The following ZC3H12B variants were observed in gnomAD, a reference collection of about 807,000 sequenced individuals.
The protein encoded by ZC3H12B is probable ribonuclease ZC3H12B.
A neutral mutation model predicts 43.9 loss-of-function variants in ZC3H12B; 7 were observed. That is an observed-to-expected ratio of 0.16 (90% confidence interval 0.09 to 0.30). The LOEUF is 0.30. ZC3H12B is among the 10% of genes least tolerant of loss of function. ZC3H12B has a pLI of 1.00. For synonymous variants in ZC3H12B, 222 were observed against 241.7 expected (o/e 0.92, Z 0.76); for missense variants, 475 against 670.2 (o/e 0.71, Z 3.22).
At chrX:65,285,294 C>A in the ZC3H12B span, among the ~76,000 whole-genome samples, 1 of 109,749 alleles carries the variant, frequency 9.1e-6, no homozygotes, top group Admixed American at 9.8e-5. Flanking sequence ...CTTGAGTGCC[C>A]AAAGTCCATG....
At chrX:65,276,396 G>C in the ZC3H12B span, among the ~76,000 whole-genome samples, 1 of 110,979 alleles carries the variant, frequency 9.0e-6, no homozygotes, top group Non-Finnish European at 1.9e-5. Flanking sequence ...ACACATTAGA[G>C]TCAAATTGTC....
At chrX:65,178,322 C>T in the ZC3H12B span, among the ~76,000 whole-genome samples, 1 of 111,705 alleles carries the variant, frequency 9.0e-6, no homozygotes, top group African/African-American at 3.2e-5. Context: ...AGGGGAAAAC[C>T]TAGACAATAC....
intron 2 of ZC3H12B, among the ~76,000 whole-genome samples, chrX:65,371,188 T>C (rs1437356245): frequency 8.9e-6 from 1 of 112,306 alleles, no homozygotes; most frequent in Non-Finnish European, 1.9e-5. Flanking sequence ...TTGTGAATTA[T>C]AATACACATT....
chrX:65,323,110 C>T, the ZC3H12B span, among the ~76,000 whole-genome samples: 2 of 111,986 alleles, frequency 1.8e-5, no homozygotes, highest in South Asian at 7.4e-4. Flanking sequence ...TATTTAACTT[C>T]TTTTTTTCCT....
the ZC3H12B span, among the ~76,000 whole-genome samples, chrX:65,359,121 A>G: frequency 9.0e-6 from 1 of 111,222 alleles, no homozygotes; most frequent in Admixed American, 9.6e-5. Flanking sequence ...AACATGGTTT[A>G]TTGAACATTT....
At chrX:65,281,259 G>A in the ZC3H12B span, among the ~76,000 whole-genome samples, 1 of 100,858 alleles carries the variant, frequency 9.9e-6, no homozygotes, top group Non-Finnish European at 2.0e-5. Flanking sequence ...TTGAGTCAGA[G>A]TCTTGCTCTT....
intron 2 of ZC3H12B, among the ~76,000 whole-genome samples, chrX:65,375,945 T>A (rs1358335350): frequency 8.9e-6 from 1 of 111,959 alleles, no homozygotes; most frequent in Admixed American, 9.4e-5. Flanking sequence ...GTCTTGCACC[T>A]TAGGTACCAG....
the ZC3H12B span, among the ~76,000 whole-genome samples, chrX:65,217,163 G>A: frequency 2.7e-5 from 3 of 112,144 alleles, no homozygotes; most frequent in Admixed American, 9.5e-5. Flanking sequence ...GGAACCCAGG[G>A]AATTCTTTAT....
At chrX:65,091,583 A>G in the ZC3H12B span, among the ~76,000 whole-genome samples, 1 of 112,007 alleles carries the variant, frequency 8.9e-6, no homozygotes, top group Admixed American at 9.5e-5. Flanking sequence ...AGTACTAGCT[A>G]TGGACAAGGT....
chrX:65,185,481 T>G, the ZC3H12B span: 1 of 112,094 alleles, frequency 8.9e-6, no homozygotes, highest in African/African-American at 3.2e-5. Flanking sequence ...GTGACAGTAT[T>G]TCCTATGTCT....
chrX:65,088,329 C>G, the ZC3H12B span, among the ~76,000 whole-genome samples: 26,275 of 110,294 alleles, frequency 0.24, 7,605 homozygotes, highest in African/African-American at 0.82. Context: ...TTTCCACCAT[C>G]GTTGCAATAG....
the ZC3H12B span, among the ~76,000 whole-genome samples, chrX:65,164,462 C>T: frequency 4.5e-5 from 5 of 111,510 alleles, no homozygotes; most frequent in Admixed American, 3.8e-4. Context: ...TGACCTCTGG[C>T]TACATGACTC....
chrX:65,166,622 C>T, the ZC3H12B span, among the ~76,000 whole-genome samples: 49 of 111,671 alleles, frequency 4.4e-4, no homozygotes, highest in African/African-American at 1.2e-3. Context: ...ATCACCACAC[C>T]GTCTTCCACA....
At chrX:65,287,919 G>C in the ZC3H12B span, among the ~76,000 whole-genome samples, 1 of 106,917 alleles carries the variant, frequency 9.4e-6, no homozygotes, top group African/African-American at 3.4e-5. Flanking sequence ...CAAGATGAGA[G>C]AGGACCCTAA....
chrX:65,111,057 A>G, the ZC3H12B span, among the ~76,000 whole-genome samples: 1 of 111,439 alleles, frequency 9.0e-6, no homozygotes, highest in Admixed American at 9.6e-5. Context: ...ATTTAGAGAT[A>G]CATTTGATTT....
At chrX:65,114,143 T>G in the ZC3H12B span, among the ~76,000 whole-genome samples, 44 of 104,955 alleles carry the variant, frequency 4.2e-4, no homozygotes, top group African/African-American at 1.5e-3. Context: ...TAAAATTTTC[T>G]GCAGAAGTTT....
intron 3 of ZC3H12B, among the ~76,000 whole-genome samples, chrX:65,411,749 A>G (rs2066905956): frequency 9.5e-6 from 1 of 105,762 alleles, no homozygotes; most frequent in African/African-American, 3.7e-5. Flanking sequence ...AAATAAATAA[A>G]TAAATAAATA....
intron 2 of ZC3H12B, among the ~76,000 whole-genome samples, chrX:65,390,011 G>A (rs918216094): frequency 8.9e-6 from 1 of 112,189 alleles, no homozygotes; most frequent in Non-Finnish European, 1.9e-5. Context: ...CCAACCCAGT[G>A]TCCATTAATG....
At position 65,369,335 on chromosome X, in the gene ZC3H12B, C is replaced by T. The variant is rs754394379; in HGVS notation, n.295+337C>T. 2.7e-5 allele frequency among the ~76,000 whole-genome samples: 3 copies of T among 111,690 alleles called. 1 individual carries two copies. The South Asian group carries it at 1.1e-3, about 42-fold the overall frequency. On this transcript the variant is annotated intron_variant and non_coding_transcript_variant, in intron 2 of 5. Transcript: ENST00000617377. ...ATCACATTTAATCCTCATAGCAATC[C>T]TATGGTGTAGGTATTATCATCTCCA...
Sources: gnomAD v4.1 joint callset for allele counts (sites outside exome capture counted in the v4.1 genomes callset) on GRCh38, gnomAD v4.1.1 for gene constraint, MANE v1.5 for transcripts, NCBI Gene and HGNC (gene_info 2026-07-23, HGNC 2026-07-21) for gene names.